SOX5: variants seen among roughly 807,000 people sequenced by gnomAD.
SOX5 encodes the protein SRY-box transcription factor 5.
Under a neutral mutation model 92.0 loss-of-function variants are expected in SOX5, and 9 were observed. That is an observed-to-expected ratio of 0.10 (90% confidence interval 0.06 to 0.17). SOX5 has a LOEUF of 0.17. SOX5 is among the 10% of genes least tolerant of loss of function. The pLI is 1.00. For synonymous variants in SOX5, 344 were observed against 336.3 expected (o/e 1.02, Z -0.25); for missense variants, 642 against 944.5 (o/e 0.68, Z 4.20).
At chr12:23,562,086 T>TCA (rs140502420) in intron 11 of SOX5, among the ~76,000 whole-genome samples, 11 of 152,296 alleles carry the variant, frequency 7.2e-5, no homozygotes, top group Non-Finnish European at 1.3e-4. Context: ...CTTAGAACTG[T>TCA]CACTTTGCTT....
intron 2 of SOX5, among the ~76,000 whole-genome samples, chr12:23,856,444 G>A (rs1375504040): frequency 6.6e-6 from 1 of 152,026 alleles, no homozygotes; most frequent in African/African-American, 2.4e-5. Flanking sequence ...TGTTCTATGG[G>A]CTTTTAACAA....
At chr12:24,273,867 T>C (rs140612742) in intron 3 of SOX5, among the ~76,000 whole-genome samples, 7 of 152,342 alleles carry the variant, frequency 4.6e-5, no homozygotes, top group Admixed American at 1.3e-4. Context: ...AATTGTTATA[T>C]GTAGGATATC....
intron 3 of SOX5, among the ~76,000 whole-genome samples, chr12:24,216,414 G>A (rs1379957103): frequency 2.6e-5 from 4 of 152,168 alleles, no homozygotes; most frequent in Non-Finnish European, 5.9e-5. Context: ...AACCCGGGAG[G>A]CGGGGCTTGC....
At chr12:23,790,286 T>C (rs1392885992) in intron 3 of SOX5, among the ~76,000 whole-genome samples, 1 of 152,212 alleles carries the variant, frequency 6.6e-6, no homozygotes, top group Non-Finnish European at 1.5e-5. Context: ...TATTATTTCA[T>C]AATCATATCT....
chr12:24,108,800 C>T (rs555602726), intron 4 of SOX5, among the ~76,000 whole-genome samples: 70 of 152,220 alleles, frequency 4.6e-4, no homozygotes, highest in African/African-American at 1.6e-3. Context: ...CAAATGATAC[C>T]TTTCTCAGAA....
At chr12:23,809,808 AAT>A (rs1439794811) in intron 3 of SOX5, among the ~76,000 whole-genome samples, 1 of 141,626 alleles carries the variant, frequency 7.1e-6, no homozygotes, top group East Asian at 2.0e-4. Flanking sequence ...ACACATTTTT[AAT>A]AGACTCCAAT....
intron 1 of SOX5, among the ~76,000 whole-genome samples, chr12:24,546,020 T>G (rs1429659865): frequency 1.3e-5 from 2 of 152,208 alleles, no homozygotes; most frequent in African/African-American, 4.8e-5. Context: ...ACTCACTGCA[T>G]GCAAATCTAC....
chr12:24,319,500 C>A lies in SOX5; in HGVS notation c.-173-42188G>T, dbSNP rs371710064. On this transcript the variant is annotated intron_variant, in intron 2 of 4. Coordinates refer to the SOX5 transcript ENST00000446891. ...CAATTAATCACCAATATTGATACTA[C>A]CCCCTAACTATCTTAAAAGTCATCC... is the stretch of plus-strand genomic sequence containing the variant. Among the ~76,000 whole-genome samples, 123 of 152,262 alleles carry A rather than the reference C, an allele frequency of 8.1e-4. 2 individuals carry two copies. The East Asian group carries it at 0.014, about 17-fold the overall frequency.
chr12:23,722,041 A>T (rs1313862732), intron 6 of SOX5, among the ~76,000 whole-genome samples: 1 of 152,222 alleles, frequency 6.6e-6, no homozygotes, highest in Non-Finnish European at 1.5e-5. Flanking sequence ...AAAATACAAA[A>T]TTGTGTGAAT....
intron 1 of SOX5, among the ~76,000 whole-genome samples, chr12:24,383,833 T>C (rs1444160759): frequency 6.6e-6 from 1 of 152,148 alleles, no homozygotes; most frequent in Non-Finnish European, 1.5e-5. Context: ...CATTAGTTAG[T>C]GATACGGTTT....
At chr12:24,465,300 A>G (rs1944101824) in intron 1 of SOX5, among the ~76,000 whole-genome samples, 1 of 152,248 alleles carries the variant, frequency 6.6e-6, no homozygotes, top group Non-Finnish European at 1.5e-5. Flanking sequence ...CTTCAAATTA[A>G]TCATAATAGC....
intron 3 of SOX5, among the ~76,000 whole-genome samples, chr12:23,843,981 A>G (rs1285597133): frequency 6.6e-6 from 1 of 152,236 alleles, no homozygotes; most frequent in Non-Finnish European, 1.5e-5. Flanking sequence ...GACTTATGAT[A>G]GGGTTATGTC....
intron 1 of SOX5, among the ~76,000 whole-genome samples, chr12:24,518,495 T>G (rs1949991281): frequency 6.6e-6 from 1 of 152,160 alleles, no homozygotes; most frequent in Admixed American, 6.5e-5. Context: ...TCATTTTTCT[T>G]TCCTTCAGAA....
At chr12:23,614,109 A>C (rs1375149173) in intron 8 of SOX5, among the ~76,000 whole-genome samples, 1 of 152,114 alleles carries the variant, frequency 6.6e-6, no homozygotes, top group Admixed American at 6.5e-5. Flanking sequence ...CTGACTTGTA[A>C]AGAGCTTCTG....
intron 1 of SOX5, among the ~76,000 whole-genome samples, chr12:24,410,624 G>A (rs1460582336): frequency 6.6e-6 from 1 of 152,108 alleles, no homozygotes; most frequent in East Asian, 1.9e-4. Flanking sequence ...CTAATATGTT[G>A]TGAGTCAATT....
intron 6 of SOX5, among the ~76,000 whole-genome samples, chr12:23,713,393 G>T (rs894637114): frequency 6.6e-6 from 1 of 152,104 alleles, no homozygotes; most frequent in African/African-American, 2.4e-5. Context: ...ATTACAGCAG[G>T]CCTACAGCAC....
intron 7 of SOX5, among the ~76,000 whole-genome samples, chr12:23,653,140 C>A (rs1210902001): frequency 6.6e-6 from 1 of 151,968 alleles, no homozygotes; most frequent in Non-Finnish European, 1.5e-5. Context: ...CTGGCTCCTG[C>A]AGCATATGTC....
At chr12:23,788,937 G>C (rs954249752) in intron 3 of SOX5, among the ~76,000 whole-genome samples, 1 of 151,762 alleles carries the variant, frequency 6.6e-6, no homozygotes, top group African/African-American at 2.4e-5. Context: ...CCTAATACAA[G>C]ATAAAAATAA....
chr12:24,500,973 A>T (rs377061489), intron 1 of SOX5, among the ~76,000 whole-genome samples: 1 of 152,218 alleles, frequency 6.6e-6, no homozygotes, highest in Non-Finnish European at 1.5e-5. Flanking sequence ...CCTCAGCAGC[A>T]ACAGGATGTG....
Sources: gnomAD v4.1 joint callset for allele counts (sites outside exome capture counted in the v4.1 genomes callset) on GRCh38, gnomAD v4.1.1 for gene constraint, MANE v1.5 for transcripts, NCBI Gene and HGNC (gene_info 2026-07-23, HGNC 2026-07-21) for gene names.